MSANTD2: variants seen among roughly 807,000 people sequenced by gnomAD.
MSANTD2 encodes Myb/SANT DNA binding domain containing 2, also known as myb/SANT-like DNA-binding domain-containing protein 2.
A neutral mutation model predicts 52.6 loss-of-function variants in MSANTD2; 19 were observed. The ratio of observed to expected loss-of-function variants is 0.36; its 90% CI spans 0.25 to 0.53. The LOEUF is 0.53. Ranked by LOEUF, MSANTD2 falls within the 20% of genes least tolerant of loss-of-function variation. The pLI is 0.91. For missense variants in MSANTD2, 558 were observed against 716.3 expected (o/e 0.78, Z 2.52); for synonymous variants, 291 against 289.7 (o/e 1.00, Z -0.04).
At chr11:124,794,981 C>T (rs1425060624) in intron 1 of MSANTD2, among the ~76,000 whole-genome samples, 4 of 152,154 alleles carry the variant, frequency 2.6e-5, no homozygotes, top group East Asian at 3.9e-4. Flanking sequence ...CAACCTCAAG[C>T]GATCCTCCCG....
chr11:124,786,531 A>G (rs954445601), intron 1 of MSANTD2, among the ~76,000 whole-genome samples: 16 of 152,332 alleles, frequency 1.1e-4, no homozygotes, highest in Admixed American at 7.2e-4. Flanking sequence ...TTCTGCTCCT[A>G]TAATTCAAAC....
chr11:124,787,761 T>C (rs1056265654), intron 1 of MSANTD2, among the ~76,000 whole-genome samples: 1 of 152,212 alleles, frequency 6.6e-6, no homozygotes, highest in African/African-American at 2.4e-5. Context: ...CATCTGGCTA[T>C]ACTGCCATAG....
rs1181107922 is a variant in MSANTD2 at position 124,767,733 on chromosome 11, A to G, written c.1123T>C (p.Phe375Leu). ...KMNWKNVYYK[F>L]LEITISEARC... ...GCTTCGCTAATAGTGATCTCTAAAA[A>G]TTTGTAGTAAACATTTTTCCAGTTC... The change falls in exon 4 of 4, where the codon TTT (phenylalanine) becomes CTT (leucine). Residue 375 changes from phenylalanine (F) to leucine (L), a missense_variant. Physicochemically the swap from Phe to Leu is conservative, Grantham distance 22. This residue lies in a region of MSANTD2 where 408 missense variants were observed against 573.6 expected (regional missense o/e 0.71). Transcript: ENST00000374979. This position sits in a 1 kb window ranked among gnomAD's most constrained non-coding sequence, Gnocchi z 6.5. 2 of 1,614,242 alleles carry G rather than the reference A, an allele frequency of 1.2e-6. No individual in the cohort carries two copies. The highest frequency in any genetic ancestry group is 1.7e-6 in the Non-Finnish European group (2 of 1,180,042).
At chr11:124,794,991 G>A (rs979654868) in intron 1 of MSANTD2, among the ~76,000 whole-genome samples, 9 of 152,018 alleles carry the variant, frequency 5.9e-5, no homozygotes, top group Non-Finnish European at 1.0e-4. Flanking sequence ...CGATCCTCCC[G>A]CTTCAGCCTC....
chr11:124,771,007 C>G (rs761005574), intron 3 of MSANTD2, among the ~76,000 whole-genome samples: 3 of 152,100 alleles, frequency 2.0e-5, no homozygotes, highest in Non-Finnish European at 4.4e-5. Context: ...GCTGCAATTA[C>G]CGGCATGAGC....
At chr11:124,782,273 T>A (rs1163057627) in intron 1 of MSANTD2, among the ~76,000 whole-genome samples, 1 of 146,412 alleles carries the variant, frequency 6.8e-6, no homozygotes, top group Non-Finnish European at 1.5e-5. Flanking sequence ...ATAGCAAGAC[T>A]TTGTCTCTAC....
intron 3 of MSANTD2, among the ~76,000 whole-genome samples, chr11:124,771,675 G>C (rs544465282): frequency 6.6e-6 from 1 of 152,342 alleles, no homozygotes; most frequent in South Asian, 2.1e-4. Flanking sequence ...TGGAATTACA[G>C]GTGCTCACAG....
intron 1 of MSANTD2, among the ~76,000 whole-genome samples, chr11:124,796,806 T>G (rs932206633): frequency 6.6e-6 from 1 of 152,258 alleles, no homozygotes; most frequent in Non-Finnish European, 1.5e-5. Context: ...AAAGTATTAC[T>G]AAGTTTCTTT....
intron 3 of MSANTD2, among the ~76,000 whole-genome samples, chr11:124,770,317 T>C (rs1396711582): frequency 1.3e-5 from 1 of 77,322 alleles, no homozygotes; most frequent in African/African-American, 2.4e-4. Context: ...TTTGTTTGTT[T>C]TTTTTTTTTT....
At chr11:124,784,632 T>G in intron 1 of MSANTD2, 1 of 985,066 alleles carries the variant, frequency 1.0e-6, no homozygotes, top group Non-Finnish European at 1.2e-6. Flanking sequence ...GTAGGCCACT[T>G]TATTCCTTTC....
At chr11:124,784,443 G>T (rs774546665) in intron 1 of MSANTD2, 45 of 984,784 alleles carry the variant, frequency 4.6e-5, no homozygotes, top group African/African-American at 5.3e-5. Context: ...CCTCCACTAC[G>T]AACTAATTAT....
intron 1 of MSANTD2, among the ~76,000 whole-genome samples, chr11:124,780,352 A>G: frequency 6.6e-6 from 1 of 152,194 alleles, no homozygotes; most frequent in South Asian, 2.1e-4. Context: ...CTGACTTGCC[A>G]ATCCCCTAAA....
In MSANTD2 at chr11:124,800,405, G is replaced by T. The variant is rs925960668; in HGVS notation, c.-25C>A. The stretch of plus-strand genomic sequence containing the variant: ...TCTTCCAAGCGGCCGCCGCTGCACC[G>T]CCCGGAAGTGACGCGCCCGCGCATC... On this transcript the variant is annotated 5_prime_UTR_variant, in exon 1 of 4. Coordinates refer to ENST00000374979, the MANE Select transcript of MSANTD2 (RefSeq NM_001308027.2). This position sits in a 1 kb window ranked among gnomAD's most constrained non-coding sequence, Gnocchi z 4.3. The T allele has an allele frequency of 4.9e-6, 7 of 1,440,004 alleles. No homozygotes were observed. The highest frequency in any genetic ancestry group is 6.4e-6 in the Non-Finnish European group (7 of 1,093,344). 89.2% of individuals were successfully genotyped at this position (1,440,004 alleles called of 1,614,324 possible). A position where few individuals can be genotyped will look rare whatever the true frequency, so the allele number is the denominator to read the frequency against.
intron 1 of MSANTD2, among the ~76,000 whole-genome samples, chr11:124,794,689 T>C (rs926304016): frequency 3.3e-5 from 5 of 152,188 alleles, no homozygotes; most frequent in African/African-American, 1.2e-4. Context: ...CTTTGCCCTG[T>C]TGGTTCTTAT....
chr11:124,793,522 A>G (rs1216020608), intron 1 of MSANTD2, among the ~76,000 whole-genome samples: 1 of 152,166 alleles, frequency 6.6e-6, no homozygotes, highest in Non-Finnish European at 1.5e-5. Flanking sequence ...CTGGCCAACA[A>G]AACAGTCACT....
chr11:124,792,890 T>C (rs1398364940), intron 1 of MSANTD2: 1 of 152,204 alleles, frequency 6.6e-6, no homozygotes, highest in Non-Finnish European at 1.5e-5. Context: ...TCCAGATACC[T>C]GAACTTTAGC....
At chr11:124,772,717 A>G (rs1382946715) in intron 3 of MSANTD2, among the ~76,000 whole-genome samples, 3 of 139,488 alleles carry the variant, frequency 2.2e-5, no homozygotes, top group Non-Finnish European at 4.5e-5. Flanking sequence ...AGCCTGGGTG[A>G]CAGAGCGAGA....
chr11:124,789,906 A>T (rs534560232), intron 1 of MSANTD2: 37 of 152,328 alleles, frequency 2.4e-4, no homozygotes, highest in African/African-American at 8.4e-4. Flanking sequence ...CAGTGGAGGA[A>T]CCCCACATCA....
intron 1 of MSANTD2, among the ~76,000 whole-genome samples, chr11:124,794,903 G>C (rs1266051542): frequency 6.6e-6 from 1 of 152,054 alleles, no homozygotes; most frequent in Non-Finnish European, 1.5e-5. Context: ...TTTTGAGACA[G>C]GGTCTCACTC....
Sources: allele counts gnomAD v4.1 joint callset (sites outside exome capture counted in the v4.1 genomes callset), GRCh38; gene constraint gnomAD v4.1.1; regional missense constraint gnomAD v4.1.1; non-coding constraint Gnocchi (gnomAD v3.1); transcripts MANE v1.5; gene names NCBI Gene and HGNC (gene_info 2026-07-23, HGNC 2026-07-21).